Variants in MID2 observed in about 807,000 individuals in gnomAD.
The protein encoded by MID2 is probable E3 ubiquitin-protein ligase MID2.
In MID2, 13 loss-of-function variants were observed where a neutral mutation model predicts 46.1. The ratio of observed to expected loss-of-function variants is 0.28; its 90% CI spans 0.18 to 0.45. The LOEUF (loss-of-function observed/expected upper bound fraction) is 0.45. MID2 is among the 20% of genes least tolerant of loss of function. MID2 has a pLI of 1.00. For missense variants in MID2, 431 were observed against 575.4 expected (o/e 0.75, Z 2.57); for synonymous variants, 199 against 212.3 (o/e 0.94, Z 0.55).
At chrX:107,880,808 T>A (rs1027292284) in intron 3 of MID2, among the ~76,000 whole-genome samples, 1 of 112,292 alleles carries the variant, frequency 8.9e-6, no homozygotes, top group African/African-American at 3.2e-5. Context: ...ATTTAAACTA[T>A]AAACTAAGCG....
rs1050976495 is a variant in MID2, at chrX:107,875,752, C to T, written c.816+21048C>T. 4.5e-5 allele frequency among the ~76,000 whole-genome samples: 5 copies of T among 111,624 alleles called. No homozygotes were observed. In the East Asian group the frequency reaches 8.5e-4, roughly 19 times the overall value. ...ACAACTAAAGAGTTGGAAAAAATAC[C>T]GGATTAAGAGCCTTTCTGAGATACC... On this transcript the variant is annotated intron_variant, in intron 3 of 9. Coordinates refer to ENST00000262843, the MANE Select transcript of MID2 (RefSeq NM_012216.4).
chrX:107,913,643 T>A (rs777174291), intron 5 of MID2, among the ~76,000 whole-genome samples: 83 of 112,302 alleles, frequency 7.4e-4, no homozygotes, highest in Non-Finnish European at 1.4e-3. Context: ...TTGGACTTTT[T>A]AAATATATTT....
At chrX:107,896,775 A>G (rs1932745423) in intron 3 of MID2, among the ~76,000 whole-genome samples, 1 of 111,155 alleles carries the variant, frequency 9.0e-6, no homozygotes, top group Non-Finnish European at 1.9e-5. Flanking sequence ...CTAAAGGAAA[A>G]AGAAGTATAT....
chrX:107,848,988 A>G (rs933488470), intron 2 of MID2, among the ~76,000 whole-genome samples: 3 of 111,905 alleles, frequency 2.7e-5, no homozygotes, highest in Admixed American at 9.4e-5. Flanking sequence ...GATTATTTTT[A>G]AAGATGAAGT....
At chrX:107,845,731 T>C (rs758165147) in intron 2 of MID2, among the ~76,000 whole-genome samples, 1 of 110,820 alleles carries the variant, frequency 9.0e-6, no homozygotes, top group South Asian at 3.8e-4. Context: ...AGTCACTCTG[T>C]CATCCACCCA....
At chrX:107,839,182 G>C (rs1261862345) in intron 1 of MID2, among the ~76,000 whole-genome samples, 1 of 110,747 alleles carries the variant, frequency 9.0e-6, no homozygotes, top group Non-Finnish European at 1.9e-5. Context: ...CAGTCAGTAA[G>C]ATATGTTTTA....
At chrX:107,884,127 C>T (rs868616922) in intron 3 of MID2, among the ~76,000 whole-genome samples, 10 of 111,631 alleles carry the variant, frequency 9.0e-5, no homozygotes, top group Non-Finnish European at 1.3e-4. Context: ...CCAAATCTAC[C>T]GCAAATAACC....
intron 3 of MID2, among the ~76,000 whole-genome samples, chrX:107,889,078 T>A (rs1932533180): frequency 9.0e-6 from 1 of 111,495 alleles, no homozygotes; most frequent in Admixed American, 9.6e-5. Context: ...TTATCCAATT[T>A]GCCAGTCTGT....
At chrX:107,925,438 T>C (rs1159557118) in intron 8 of MID2, among the ~76,000 whole-genome samples, 1 of 112,235 alleles carries the variant, frequency 8.9e-6, no homozygotes, top group South Asian at 3.7e-4. Context: ...TAAAGAATTA[T>C]CTGTTGTGAA....
At chrX:107,854,784 T>G in intron 3 of MID2, 80 bp downstream of exon 3, 1 of 663,422 alleles carries the variant, frequency 1.5e-6, no homozygotes, top group East Asian at 3.4e-5. Flanking sequence ...TTTGTCAGAG[T>G]GTAGCCTAGT....
At chrX:107,836,733 A>G (rs1406221593) in intron 1 of MID2, among the ~76,000 whole-genome samples, 1 of 111,396 alleles carries the variant, frequency 9.0e-6, no homozygotes, top group Admixed American at 9.6e-5. Context: ...AGAAAGCCTC[A>G]TAAATTAGAG....
chrX:107,910,414 A>G (rs756237500), intron 5 of MID2, among the ~76,000 whole-genome samples: 5 of 112,028 alleles, frequency 4.5e-5, no homozygotes, highest in African/African-American at 1.6e-4. Flanking sequence ...ATAGAAACTT[A>G]GGTAGATACC....
In MID2 at chrX:107,929,633, G is replaced by T. The variant is rs1230299512; in HGVS notation, c.*2560G>T. Among the ~76,000 whole-genome samples the T allele has an allele frequency of 8.9e-6, 1 of 111,832 alleles. No individual in the cohort carries two copies. The highest frequency in any genetic ancestry group is 3.2e-5 in the African/African-American group (1 of 30,803). On this transcript the variant is annotated 3_prime_UTR_variant, in exon 10 of 10. Transcript: ENST00000262843. ...CCATTCCAGTAGAACAATTTCCTTT[G>T]CCTTGTCCTTGGCTCTCCAAAACTG... is the stretch of plus-strand genomic sequence containing the variant.
At chrX:107,916,196 T>A in intron 6 of MID2, 67 bp downstream of exon 6, 1 of 885,683 alleles carries the variant, frequency 1.1e-6, no homozygotes, top group Non-Finnish European at 1.5e-6. Context: ...TACTTAAAAA[T>A]AATTTGAAAA....
intron 7 of MID2, among the ~76,000 whole-genome samples, chrX:107,919,425 A>C (rs1933028293): frequency 8.9e-6 from 1 of 111,769 alleles, no homozygotes; most frequent in Non-Finnish European, 1.9e-5. Context: ...AAACCACAGC[A>C]ACCAATTAGT....
chrX:107,834,161 A>G (rs779630676), intron 1 of MID2, among the ~76,000 whole-genome samples: 10 of 111,570 alleles, frequency 9.0e-5, no homozygotes, highest in East Asian at 2.8e-4. Context: ...ATACAGCCCA[A>G]TGGTACCTTC....
chrX:107,853,201 A>G (rs1288457981), intron 2 of MID2, among the ~76,000 whole-genome samples: 2 of 112,194 alleles, frequency 1.8e-5, no homozygotes, highest in Non-Finnish European at 3.8e-5. Context: ...TACTGTTGTA[A>G]CAACATTATA....
At chrX:107,861,555 G>A (rs892970913) in intron 3 of MID2, among the ~76,000 whole-genome samples, 14 of 111,630 alleles carry the variant, frequency 1.3e-4, no homozygotes, top group African/African-American at 4.2e-4. Context: ...AGGAGGTGGA[G>A]GTTGCAGTGA....
At chrX:107,893,202 A>G (rs1932641468) in intron 3 of MID2, among the ~76,000 whole-genome samples, 1 of 112,711 alleles carries the variant, frequency 8.9e-6, no homozygotes, top group African/African-American at 3.2e-5. Flanking sequence ...AACATTATAA[A>G]ACAGTAAAAC....
Sources: gnomAD v4.1 joint callset for allele counts (sites outside exome capture counted in the v4.1 genomes callset) on GRCh38, gnomAD v4.1.1 for gene constraint, MANE v1.5 for transcripts, NCBI Gene and HGNC (gene_info 2026-07-23, HGNC 2026-07-21) for gene names.